Variants in PMS1 observed in about 807,000 individuals in gnomAD.
PMS1 encodes PMS1 homolog 1, mismatch repair system component.
PMS1 carries 79 observed loss-of-function variants against 93.1 expected under a neutral mutation model. That is an observed-to-expected ratio of 0.85 (90% confidence interval 0.71 to 1.02). PMS1 has a LOEUF of 1.02. PMS1 is among the 50% of genes least tolerant of loss of function. PMS1 has a pLI of 0.00. For synonymous variants in PMS1, 335 were observed against 363.4 expected (o/e 0.92, Z 0.89); for missense variants, 1,064 against 1,085.3 (o/e 0.98, Z 0.28).
chr2:189,829,194 G>T (rs1345778503), intron 5 of PMS1, among the ~76,000 whole-genome samples: 1 of 152,070 alleles, frequency 6.6e-6, no homozygotes, highest in Non-Finnish European at 1.5e-5. Flanking sequence ...GCTTTGGAAG[G>T]GTTAAGTGAT....
At position 189,867,906 on chromosome 2, in the gene PMS1, G is replaced by A. The variant is rs781206054; in HGVS notation, c.2450G>A (p.Gly817Asp). 2 of 1,611,102 alleles carry A rather than the reference G, an allele frequency of 1.2e-6. No individual in the cohort carries two copies. Among genetic ancestry groups the A allele is most frequent in the Admixed American group, 3.3e-5 (2 of 60,002 alleles). ...YLSDPRLTAN[G>D]FKIKLIPGVS... ...TCTGATCCTCGTCTTACAGCGAATG[G>A]TTTCAAGATAAAATTGATACCAGGT... Residue 817 changes from glycine to aspartate, a missense_variant, in exon 11 of 13, where the codon GGT becomes GAT. Coordinates refer to ENST00000441310, the MANE Select transcript of PMS1 (RefSeq NM_000534.5).
intron 11 of PMS1, among the ~76,000 whole-genome samples, chr2:189,872,793 C>T (rs752109130): frequency 2.6e-5 from 4 of 152,026 alleles, no homozygotes; most frequent in African/African-American, 2.4e-5. Context: ...CCACCACACT[C>T]GTCTAATTTT....
At chr2:189,830,704 G>A (rs949729217) in intron 5 of PMS1, among the ~76,000 whole-genome samples, 1 of 152,204 alleles carries the variant, frequency 6.6e-6, no homozygotes, top group African/African-American at 2.4e-5. Flanking sequence ...AATGAGGGCT[G>A]ACAACAGGAT....
At chr2:189,870,384 G>T (rs926780145) in intron 11 of PMS1, among the ~76,000 whole-genome samples, 4 of 152,102 alleles carry the variant, frequency 2.6e-5, no homozygotes, top group Non-Finnish European at 4.4e-5. Flanking sequence ...TTTTTGTCCT[G>T]CATCAATAAG....
intron 7 of PMS1, among the ~76,000 whole-genome samples, chr2:189,853,149 G>A (rs1233497766): frequency 6.6e-6 from 1 of 151,716 alleles, no homozygotes; most frequent in East Asian, 1.9e-4. Context: ...CATCTCCTGG[G>A]TTTGAGCAAT....
At chr2:189,861,050 A>C (rs998113942) in intron 9 of PMS1, among the ~76,000 whole-genome samples, 1 of 151,714 alleles carries the variant, frequency 6.6e-6, no homozygotes, top group African/African-American at 2.4e-5. Flanking sequence ...TATTTAGTCC[A>C]TGTAATATAA....
At chr2:189,849,901 A>T in intron 6 of PMS1, among the ~76,000 whole-genome samples, 1 of 136,104 alleles carries the variant, frequency 7.3e-6, no homozygotes, top group Non-Finnish European at 1.5e-5. Context: ...AAGAGGTGCT[A>T]TATGAGCCCC....
Position 189,854,521 on chromosome 2 carries a change from G to C in PMS1, c.1249G>C (p.Gly417Arg), listed in dbSNP as rs903598924. The C allele has an allele frequency of 1.9e-6, 3 of 1,613,520 alleles. No homozygotes were observed. The highest frequency in any genetic ancestry group is 1.7e-6 in the Non-Finnish European group (2 of 1,179,674). Residue 417 changes from glycine (G) to arginine (R), a missense_variant, in exon 9 of 13, where the codon GGT (glycine) becomes CGT (arginine). Gly to Arg is a moderately radical substitution (Grantham distance 125). Coordinates refer to ENST00000441310, the MANE Select transcript of PMS1 (RefSeq NM_000534.5). Reference sequence around the variant, plus strand: ...TCACCAGATAAGTATTGGTGACTTTGGTTATGGTCATTGTAGTAGTGAAAT... The same window carrying C: ...TCACCAGATAAGTATTGGTGACTTTCGTTATGGTCATTGTAGTAGTGAAAT... ...LNHQISIGDF[G>R]YGHCSSEISN...
chr2:189,819,743 GCTT>G (rs2051661865), intron 5 of PMS1, among the ~76,000 whole-genome samples: 1 of 151,856 alleles, frequency 6.6e-6, no homozygotes, highest in East Asian at 1.9e-4. Context: ...TGTTTTTTGA[GCTT>G]CTTATACCTT....
At chr2:189,863,685 G>C in intron 9 of PMS1, 58 bp from the exon 10 acceptor site, 1 of 1,316,408 alleles carries the variant, frequency 7.6e-7, no homozygotes, top group Non-Finnish European at 1.1e-6. Flanking sequence ...ATTTACTTCA[G>C]ATGGTTAATA....
chr2:189,808,351 A>C (rs1208492591), intron 4 of PMS1, among the ~76,000 whole-genome samples: 4 of 152,034 alleles, frequency 2.6e-5, no homozygotes, highest in Non-Finnish European at 5.9e-5. Flanking sequence ...ATTTTGAGAC[A>C]GAGTCTTACT....
In PMS1 at chr2:189,876,158, A is replaced by C. The variant is rs187897249; in HGVS notation, c.2635-1114A>C. Among the ~76,000 whole-genome samples, 628 of 152,234 alleles carry C rather than the reference A, an allele frequency of 4.1e-3. 2 individuals carry two copies. Among genetic ancestry groups the C allele is most frequent in the African/African-American group, 0.014 (578 of 41,544 alleles). Reference sequence around the variant, plus strand: ...ATTAGAACCTGTGAAATTTTAGGGGAACTTGAGAGAAGTCATGTTGATATA... The same window carrying C: ...ATTAGAACCTGTGAAATTTTAGGGGCACTTGAGAGAAGTCATGTTGATATA... On this transcript the variant is annotated intron_variant, in intron 12 of 12. Coordinates refer to ENST00000441310, the MANE Select transcript of PMS1 (RefSeq NM_000534.5).
At chr2:189,844,680 T>A (rs999558616) in intron 6 of PMS1, among the ~76,000 whole-genome samples, 1 of 150,350 alleles carries the variant, frequency 6.7e-6, no homozygotes, top group African/African-American at 2.5e-5. Flanking sequence ...TCCCCCACCT[T>A]TCCCATTCCA....
At chr2:189,869,145 G>A (rs1474472217) in intron 11 of PMS1, among the ~76,000 whole-genome samples, 1 of 152,168 alleles carries the variant, frequency 6.6e-6, no homozygotes, top group Non-Finnish European at 1.5e-5. Context: ...TTGAACCTAG[G>A]CAATCTGCCT....
chr2:189,826,310 A>G (rs2052421995), intron 5 of PMS1, among the ~76,000 whole-genome samples: 1 of 152,146 alleles, frequency 6.6e-6, no homozygotes, highest in Non-Finnish European at 1.5e-5. Context: ...TTCCTTAGGA[A>G]TGAATTATTC....
intron 5 of PMS1, 22 bp from the exon 6 acceptor site, chr2:189,843,942 T>G (rs1425107840): frequency 6.3e-7 from 1 of 1,580,272 alleles, no homozygotes; most frequent in South Asian, 1.1e-5. Context: ...TTAAAAGTTA[T>G]CTATATCATT....
At chr2:189,814,480 T>A (rs952674334) in intron 4 of PMS1, among the ~76,000 whole-genome samples, 2 of 152,104 alleles carry the variant, frequency 1.3e-5, no homozygotes, top group Non-Finnish European at 2.9e-5. Flanking sequence ...TTATAGTAAA[T>A]TTCCTTTCAA....
At chr2:189,809,851 A>G (rs1017305805) in intron 4 of PMS1, among the ~76,000 whole-genome samples, 4 of 152,252 alleles carry the variant, frequency 2.6e-5, no homozygotes, top group South Asian at 4.1e-4. Flanking sequence ...GATAATTCTC[A>G]TTTTACTTTC....
intron 2 of PMS1, among the ~76,000 whole-genome samples, chr2:189,792,992 T>C (rs1306513651): frequency 1.3e-5 from 2 of 151,990 alleles, no homozygotes; most frequent in African/African-American, 4.8e-5. Flanking sequence ...GTATTTTTAG[T>C]AGAGATGGGG....
Sources: allele counts gnomAD v4.1 joint callset (sites outside exome capture counted in the v4.1 genomes callset), GRCh38; gene constraint gnomAD v4.1.1; transcripts MANE v1.5; gene names NCBI Gene and HGNC (gene_info 2026-07-23, HGNC 2026-07-21).